MMRN2: variants seen among roughly 807,000 people sequenced by gnomAD.
MMRN2 encodes multimerin 2.
Under a neutral mutation model 68.8 loss-of-function variants are expected in MMRN2, and 53 were observed. The ratio of observed to expected loss-of-function variants is 0.77; its 90% CI spans 0.62 to 0.97. The LOEUF (loss-of-function observed/expected upper bound fraction) is 0.97. Ranked by LOEUF, MMRN2 falls within the 50% of genes least tolerant of loss-of-function variation. MMRN2 has a pLI of 0.00. For synonymous variants in MMRN2, 564 were observed against 551.6 expected (o/e 1.02, Z -0.32); for missense variants, 1,266 against 1,259.5 (o/e 1.01, Z -0.08).
At chr10:86,953,493 T>G (rs1844171397) in intron 1 of MMRN2, among the ~76,000 whole-genome samples, 1 of 152,178 alleles carries the variant, frequency 6.6e-6, no homozygotes, top group Non-Finnish European at 1.5e-5. Flanking sequence ...GGTCCCTGAC[T>G]TCCCGCAACA....
chr10:86,942,237 C>A, intron 6 of MMRN2, 80 bp downstream of exon 6: 1 of 1,483,692 alleles, frequency 6.7e-7, no homozygotes, highest in Non-Finnish European at 9.0e-7. Context: ...TTCTTCCTGG[C>A]CCTCTTGGAG....
intron 1 of MMRN2, among the ~76,000 whole-genome samples, chr10:86,947,114 G>T (rs1844080503): frequency 1.3e-5 from 2 of 152,182 alleles, no homozygotes; most frequent in Admixed American, 6.5e-5. Context: ...TGGGTGCAGA[G>T]ATGATGGGAG....
chr10:86,950,802 C>T (rs1844135559), intron 1 of MMRN2, among the ~76,000 whole-genome samples: 1 of 152,090 alleles, frequency 6.6e-6, no homozygotes, highest in Non-Finnish European at 1.5e-5. Flanking sequence ...TCTGTGAGTT[C>T]TAAATTTTTA....
chr10:86,957,272 C>T, intron 1 of MMRN2, 106 bp downstream of exon 1: 1 of 1,181,052 alleles, frequency 8.5e-7, no homozygotes, highest in Admixed American at 1.8e-5. Context: ...TACTATTAGC[C>T]CATTTCACAG....
intron 1 of MMRN2, among the ~76,000 whole-genome samples, chr10:86,953,197 G>A (rs551140829): frequency 9.9e-5 from 15 of 152,126 alleles, no homozygotes; most frequent in East Asian, 5.8e-4. Flanking sequence ...TACAGTTAAC[G>A]CAAAATCACA....
chr10:86,944,324 A>G lies in MMRN2; in HGVS notation c.593T>C (p.Leu198Pro). Residue 198 changes from leucine to proline, a missense_variant, in exon 5 of 7, where the codon CTG becomes CCG. Physicochemically the swap from Leu to Pro is moderately conservative, Grantham distance 98 (BLOSUM62 -3). Coordinates refer to ENST00000372027, the MANE Select transcript of MMRN2 (RefSeq NM_024756.3). Reference protein sequence around the residue: ...VHRVADSLPGLWKALPGNLTA... With the variant: ...VHRVADSLPGPWKALPGNLTA... ...GAGGTTACCAGGCAGGGCTTTCCAC[A>G]GGCCTGGCAGGCTGTCTGCCACCCG... The G allele has an allele frequency of 4.3e-6, 7 of 1,613,712 alleles. No homozygotes were observed. The highest frequency in any genetic ancestry group is 5.9e-6 in the Non-Finnish European group (7 of 1,179,880).
Position 86,936,344 on chromosome 10 carries a change from C to T in MMRN2, c.*399G>A, listed in dbSNP as rs1379305217. The T allele has an allele frequency of 1.1e-5, 5 of 435,480 alleles. No homozygotes were observed. Among genetic ancestry groups the T allele is most frequent in the Non-Finnish European group, 2.0e-5 (5 of 248,320 alleles). 27.0% of individuals were successfully genotyped at this position (435,480 alleles called of 1,614,324 possible). ...TGGGGAAGAATGTCTTTCTATCATA[C>T]GATAAGGGAGAAGAGAAGAGGAAGC... On this transcript the variant is annotated 3_prime_UTR_variant, in exon 7 of 7. Transcript: ENST00000372027.
chr10:86,953,064 G>A (rs562012553), intron 1 of MMRN2, among the ~76,000 whole-genome samples: 1 of 152,018 alleles, frequency 6.6e-6, no homozygotes, highest in East Asian at 1.9e-4. Flanking sequence ...CCTTTTGCCC[G>A]ACCCCGCAGG....
chr10:86,950,946 G>T (rs530241378), intron 1 of MMRN2, among the ~76,000 whole-genome samples: 2 of 152,224 alleles, frequency 1.3e-5, no homozygotes, highest in South Asian at 4.2e-4. Flanking sequence ...ATGAGATCTA[G>T]CTCATAGATA....
rs1334021185 is a variant in MMRN2 at position 86,939,827 on chromosome 10, GTGTGTGTGTGTT to G, written c.2467+2478_2467+2489del. On this transcript the variant is annotated intron_variant, in intron 6 of 6. Coordinates refer to ENST00000372027, the MANE Select transcript of MMRN2 (RefSeq NM_024756.3). ...TTGGGGTGTGTGTGTGTGTGTGTGTGTGTGTGTGTGTTTGTGTGTGTGTGTGTGTGTGTGTGT... is the reference window on the plus strand; with the variant it reads ...TTGGGGTGTGTGTGTGTGTGTGTGTGTGTGTGTGTGTGTGTGTGTGTGTGT... 4.6e-3 allele frequency among the ~76,000 whole-genome samples: 620 copies of G among 135,434 alleles called. 8 individuals carry two copies. Among genetic ancestry groups the G allele is most frequent in the African/African-American group, 0.016 (566 of 35,684 alleles). 88.8% of individuals were successfully genotyped at this position (135,434 alleles called of 152,430 possible). A position where few individuals can be genotyped will look rare whatever the true frequency, so the allele number is the denominator to read the frequency against.
intron 1 of MMRN2, among the ~76,000 whole-genome samples, chr10:86,952,073 CAAT>C (rs948285135): frequency 6.6e-6 from 1 of 152,090 alleles, no homozygotes; most frequent in Non-Finnish European, 1.5e-5. Flanking sequence ...TGAAAGAAAA[CAAT>C]GAGTAGGGAG....
At chr10:86,940,050 T>C (rs1843945331) in intron 6 of MMRN2, among the ~76,000 whole-genome samples, 1 of 148,096 alleles carries the variant, frequency 6.8e-6, no homozygotes, top group Non-Finnish European at 1.5e-5. Flanking sequence ...TTCGCTCTTC[T>C]TGCCCAGGCT....
At chr10:86,949,340 C>T (rs564789045) in intron 1 of MMRN2, 1 of 152,264 alleles carries the variant, frequency 6.6e-6, no homozygotes, top group Non-Finnish European at 1.5e-5. Flanking sequence ...ACATTTACCT[C>T]CCATGTATCC....
Position 86,943,354 on chromosome 10 carries a change from T to C in MMRN2, c.1430A>G (p.His477Arg). The change falls in exon 6 of 7, where the codon CAC (histidine) becomes CGC (arginine). Residue 477 changes from histidine (H) to arginine (R), a missense_variant. Transcript: ENST00000372027. The surrounding 1 kb of genome is among the most constrained non-coding windows in gnomAD (Gnocchi z 4.2). ...QLLELNLTLQ[H>R]LQGGHADLIK... is the part of the protein sequence containing the mutation. ...GAGGTCGGCATGGCCACCCTGCAGGTGCTGCAGCGTGAGGTTGAGCTCCAG... is the reference window on the plus strand; with the variant it reads ...GAGGTCGGCATGGCCACCCTGCAGGCGCTGCAGCGTGAGGTTGAGCTCCAG... 4 of 1,613,902 alleles carry C rather than the reference T, an allele frequency of 2.5e-6. No individual in the cohort carries two copies. Among genetic ancestry groups the C allele is most frequent in the Non-Finnish European group, 3.4e-6 (4 of 1,179,962 alleles).
intron 6 of MMRN2, among the ~76,000 whole-genome samples, chr10:86,938,218 G>C (rs947213403): frequency 6.6e-6 from 1 of 152,230 alleles, no homozygotes; most frequent in Non-Finnish European, 1.5e-5. Context: ...ACAGGTGTGA[G>C]CCACTGTTAC....
intron 1 of MMRN2, among the ~76,000 whole-genome samples, chr10:86,956,903 G>A (rs528302968): frequency 4.6e-5 from 7 of 152,336 alleles, no homozygotes; most frequent in African/African-American, 9.6e-5. Flanking sequence ...GAGGCAGAGC[G>A]CCCTGGACTG....
chr10:86,957,294 G>C (rs1056856236), intron 1 of MMRN2, 84 bp downstream of exon 1: 1 of 1,418,072 alleles, frequency 7.1e-7, no homozygotes, highest in African/African-American at 1.4e-5. Context: ...TGGGACCCCA[G>C]TGAGGTCTAG....
intron 4 of MMRN2, among the ~76,000 whole-genome samples, chr10:86,944,784 C>T (rs1873809): frequency 0.025 from 3,878 of 152,292 alleles, 159 homozygotes; most frequent in African/African-American, 0.085. Context: ...CCTTAAAGGG[C>T]CCTGCTGCAA....
chr10:86,948,471 G>C lies in MMRN2; in HGVS notation c.165-2782C>G, dbSNP rs112460475. Among the ~76,000 whole-genome samples the C allele has an allele frequency of 1.6e-3, 243 of 152,130 alleles. 3 individuals are homozygous for C. Among genetic ancestry groups the C allele is most frequent in the African/African-American group, 5.7e-3 (235 of 41,514 alleles). On this transcript the variant is annotated intron_variant, in intron 1 of 6. Transcript: ENST00000372027. ...AAAGGAACTCTTGGAAATTAAAAAC[G>C]TAACAGTAAAAATGAAAATAAATTT...
Sources: gnomAD v4.1 joint callset for allele counts (sites outside exome capture counted in the v4.1 genomes callset) on GRCh38, gnomAD v4.1.1 for gene constraint, Gnocchi (gnomAD v3.1) non-coding constraint, MANE v1.5 for transcripts, NCBI Gene and HGNC (gene_info 2026-07-23, HGNC 2026-07-21) for gene names.